The following CNTNAP2 variants were observed in gnomAD, a reference collection of about 807,000 sequenced individuals.
The protein encoded by CNTNAP2 is contactin-associated protein-like 2.
A neutral mutation model predicts 155.2 loss-of-function variants in CNTNAP2; 98 were observed. The ratio of observed to expected loss-of-function variants is 0.63; its 90% CI spans 0.54 to 0.75. The LOEUF is 0.75. Ranked by LOEUF, CNTNAP2 falls within the 30% of genes least tolerant of loss-of-function variation. The pLI, the probability that CNTNAP2 is intolerant of heterozygous loss-of-function variation, is 0.00. For missense variants in CNTNAP2, 1,727 were observed against 1,688.1 expected (o/e 1.02, Z -0.40); for synonymous variants, 651 against 631.2 (o/e 1.03, Z -0.47).
At chr7:146,444,326 A>G (rs1474287870) in intron 1 of CNTNAP2, among the ~76,000 whole-genome samples, 1 of 152,234 alleles carries the variant, frequency 6.6e-6, no homozygotes, top group African/African-American at 2.4e-5. Flanking sequence ...CACCCAGCCT[A>G]TCACATTTTT....
At chr7:148,331,791 G>A (rs1215988245) in intron 21 of CNTNAP2, among the ~76,000 whole-genome samples, 1 of 151,106 alleles carries the variant, frequency 6.6e-6, no homozygotes, top group African/African-American at 2.4e-5. Context: ...CAGATGGAGT[G>A]GATGGATAGA....
At chr7:147,876,207 C>G (rs577427518) in intron 13 of CNTNAP2, among the ~76,000 whole-genome samples, 3 of 152,116 alleles carry the variant, frequency 2.0e-5, no homozygotes, top group Admixed American at 6.6e-5. Context: ...TCTCACGTCA[C>G]TTTCTTTTCT....
intron 8 of CNTNAP2, among the ~76,000 whole-genome samples, chr7:147,192,797 T>C (rs944612342): frequency 5.9e-5 from 9 of 152,220 alleles, no homozygotes; most frequent in Non-Finnish European, 8.8e-5. Flanking sequence ...TTCGGATTGA[T>C]TTTTGTGCTG....
At chr7:147,650,409 C>T (rs1795431995) in intron 13 of CNTNAP2, among the ~76,000 whole-genome samples, 1 of 152,116 alleles carries the variant, frequency 6.6e-6, no homozygotes, top group Admixed American at 6.6e-5. Context: ...GGTCTGCTTA[C>T]ATGTGGATTT....
chr7:148,013,586 G>T (rs1802120520), intron 15 of CNTNAP2, among the ~76,000 whole-genome samples: 1 of 152,188 alleles, frequency 6.6e-6, no homozygotes, highest in South Asian at 2.1e-4. Flanking sequence ...TTCCTCTTGT[G>T]TATTATTGGC....
Position 147,418,082 on chromosome 7 carries a change from T to G in CNTNAP2, c.1670+22302T>G, listed in dbSNP as rs1435397608. Among the ~76,000 whole-genome samples, 7 of 152,350 alleles carry G rather than the reference T, an allele frequency of 4.6e-5. No individual in the cohort carries two copies. The East Asian group carries it at 1.3e-3, about 29-fold the overall frequency. On this transcript the variant is annotated intron_variant, in intron 10 of 23. Transcript: ENST00000361727. ...GTACAATCATACAATAACAATTATA[T>G]GCCAATACCCACTGTTTTACAAAGC... is the stretch of plus-strand genomic sequence containing the variant.
At chr7:148,293,715 T>G (rs1347532674) in intron 21 of CNTNAP2, among the ~76,000 whole-genome samples, 1 of 152,032 alleles carries the variant, frequency 6.6e-6, no homozygotes, top group Non-Finnish European at 1.5e-5. Flanking sequence ...GTGTCAACAT[T>G]CCCTATGCTT....
chr7:147,144,783 G>A (rs1036933452), intron 8 of CNTNAP2, among the ~76,000 whole-genome samples: 1 of 152,100 alleles, frequency 6.6e-6, no homozygotes, highest in Non-Finnish European at 1.5e-5. Context: ...TAGCCAATAG[G>A]CATCAATATT....
At chr7:146,275,421 A>C (rs192809109) in intron 1 of CNTNAP2, among the ~76,000 whole-genome samples, 69 of 152,342 alleles carry the variant, frequency 4.5e-4, no homozygotes, top group Non-Finnish European at 6.5e-4. Flanking sequence ...CAACTTTAAC[A>C]TAAATAAAAA....
At chr7:148,108,594 A>G (rs909971852) in intron 15 of CNTNAP2, among the ~76,000 whole-genome samples, 1 of 151,992 alleles carries the variant, frequency 6.6e-6, no homozygotes, top group African/African-American at 2.4e-5. Context: ...GAAATAAGCC[A>G]GGCACCGAAA....
At chr7:147,874,292 G>C (rs2080156) in intron 13 of CNTNAP2, among the ~76,000 whole-genome samples, 86,838 of 152,146 alleles carry the variant, frequency 0.57, 25,359 homozygotes, top group African/African-American at 0.69. Flanking sequence ...TCCATGAGGG[G>C]CCTGTGCCTG....
chr7:148,394,138 T>G (rs149246304), intron 22 of CNTNAP2, among the ~76,000 whole-genome samples: 1 of 152,292 alleles, frequency 6.6e-6, no homozygotes, highest in African/African-American at 2.4e-5. Flanking sequence ...TATTCCATGT[T>G]TTTTATAATA....
chr7:147,865,679 T>C (rs1425795937), intron 13 of CNTNAP2, among the ~76,000 whole-genome samples: 1 of 152,226 alleles, frequency 6.6e-6, no homozygotes, highest in African/African-American at 2.4e-5. Flanking sequence ...TCCAGGAATC[T>C]ATCCATTTCT....
chr7:147,220,520 A>G (rs574833688), intron 8 of CNTNAP2, among the ~76,000 whole-genome samples: 3 of 152,294 alleles, frequency 2.0e-5, no homozygotes, highest in Non-Finnish European at 4.4e-5. Context: ...CAGCATACCA[A>G]CTATACCAAT....
rs558223468 is a variant in CNTNAP2, at chr7:148,283,320, G to A, written c.3475+16194G>A. 4.0e-4 allele frequency among the ~76,000 whole-genome samples: 46 copies of A among 114,754 alleles called. 4 individuals are homozygous for A. Among genetic ancestry groups the A allele is most frequent in the African/African-American group, 1.2e-3 (31 of 24,996 alleles). 75.3% of individuals were successfully genotyped at this position (114,754 alleles called of 152,430 possible). A position where few individuals can be genotyped will look rare whatever the true frequency, so the allele number is the denominator to read the frequency against. The stretch of plus-strand genomic sequence containing the variant: ...GAAAGAAAGAAAGGAAGGAAGGAAG[G>A]AAAGAAAGAAAGAATTCTTATTATT... On this transcript the variant is annotated intron_variant, in intron 21 of 23. Transcript: ENST00000361727.
chr7:146,846,113 C>A (rs562895118), intron 3 of CNTNAP2, among the ~76,000 whole-genome samples: 2 of 152,082 alleles, frequency 1.3e-5, no homozygotes, highest in Non-Finnish European at 2.9e-5. Flanking sequence ...GGATGACAAC[C>A]ATCCTGTCGC....
At chr7:146,235,623 C>T (rs902638849) in intron 1 of CNTNAP2, among the ~76,000 whole-genome samples, 4 of 152,066 alleles carry the variant, frequency 2.6e-5, no homozygotes, top group African/African-American at 9.7e-5. Flanking sequence ...TTCTTATACC[C>T]CTTTTCCCCA....
chr7:148,044,014 C>T (rs768648827), intron 15 of CNTNAP2, among the ~76,000 whole-genome samples: 2 of 152,174 alleles, frequency 1.3e-5, no homozygotes, highest in Middle Eastern at 3.4e-3. Flanking sequence ...GTTAAAGATA[C>T]GTTTCACTTG....
chr7:146,447,126 T>A (rs2129121326), intron 1 of CNTNAP2, among the ~76,000 whole-genome samples: 1 of 152,154 alleles, frequency 6.6e-6, no homozygotes, highest in African/African-American at 2.4e-5. Flanking sequence ...ACATTTCAGA[T>A]TAATATACTT....
Sources: allele counts gnomAD v4.1 joint callset (sites outside exome capture counted in the v4.1 genomes callset), GRCh38; gene constraint gnomAD v4.1.1; transcripts MANE v1.5; gene names NCBI Gene and HGNC (gene_info 2026-07-23, HGNC 2026-07-21).